Variants in CCL17 observed in about 807,000 individuals in gnomAD.
The protein encoded by CCL17 is C-C motif chemokine 17.
CCL17 carries 8 observed loss-of-function variants against 7.4 expected under a neutral mutation model. The observed-to-expected ratio is 1.09, with a 90% CI of 0.64 to 1.96. CCL17 has a LOEUF of 1.96. CCL17 is among the 30% of genes most tolerant of loss of function. The pLI, the probability that CCL17 is intolerant of heterozygous loss-of-function variation, is 0.00. For synonymous variants in CCL17, 40 were observed against 46.1 expected (o/e 0.87, Z 0.54); for missense variants, 102 against 113.0 (o/e 0.90, Z 0.44).
upstream of CCL17, among the ~76,000 whole-genome samples, chr16:57,403,166 TATTATC>T (rs1231927751): frequency 4.5e-4 from 34 of 75,680 alleles, no homozygotes; most frequent in African/African-American, 1.4e-3. Context: ...TAATATATAT[TATTATC>T]TATAATATAT....
chr16:57,405,676 G>A (rs11076191), intron 1 of CCL17, among the ~76,000 whole-genome samples: 19,447 of 152,044 alleles, frequency 0.13, 1,631 homozygotes, highest in South Asian at 0.2. Flanking sequence ...TGGGCCGGAA[G>A]GAGGAGTGTC....
chr16:57,409,932 A>T (rs1902757269), intron 1 of CCL17, among the ~76,000 whole-genome samples: 2 of 152,150 alleles, frequency 1.3e-5, no homozygotes, highest in South Asian at 4.1e-4. Context: ...GCTGTCAGCG[A>T]TGGAGATGAG....
chr16:57,408,561 G>A (rs1047318743), intron 1 of CCL17, among the ~76,000 whole-genome samples: 3 of 146,930 alleles, frequency 2.0e-5, no homozygotes, highest in African/African-American at 8.2e-5. Context: ...GGTGCACACT[G>A]TAACACCTGG....
At chr16:57,410,546 C>G (rs1247230831) in intron 1 of CCL17, among the ~76,000 whole-genome samples, 6 of 152,180 alleles carry the variant, frequency 3.9e-5, no homozygotes, top group African/African-American at 1.2e-4. Flanking sequence ...GCCACTTCCT[C>G]CAGGGAGCAT....
At chr16:57,404,087 G>A (rs561609990), upstream of CCL17, among the ~76,000 whole-genome samples, 1 of 152,302 alleles carries the variant, frequency 6.6e-6, no homozygotes, top group African/African-American at 2.4e-5. Flanking sequence ...GAGGCATAGG[G>A]AGGAGGCCAG....
At chr16:57,401,702 G>C (rs1231014634), upstream of CCL17, among the ~76,000 whole-genome samples, 2 of 152,102 alleles carry the variant, frequency 1.3e-5, no homozygotes, top group African/African-American at 2.4e-5. Flanking sequence ...GCTCAGTGAC[G>C]TGGTAATACA....
chr16:57,410,090 T>G (rs16956811), intron 1 of CCL17, among the ~76,000 whole-genome samples: 33,545 of 152,086 alleles, frequency 0.22, 7,369 homozygotes, highest in African/African-American at 0.57. Context: ...CAAATGCAAC[T>G]GAAGATGATG....
rs1902828847 is a variant in CCL17, at chr16:57,414,104, C to A, written c.70+102C>A. On this transcript the variant is annotated intron_variant, in intron 2 of 3. Coordinates refer to ENST00000219244, the MANE Select transcript of CCL17 (RefSeq NM_002987.3). ...TACACACGTTTGTGTATTATTTACA[C>A]CCCACCTACTCCCACAAAAGACGTG... 11 of 809,732 alleles carry A rather than the reference C, an allele frequency of 1.4e-5. No homozygotes were observed. In the South Asian group the frequency reaches 1.5e-4, roughly 11 times the overall value. The allele number at this position is 809,732 out of a possible 1,614,324, so 50.2% of individuals were successfully genotyped here.
the CCL17 span, among the ~76,000 whole-genome samples, chr16:57,397,184 G>A: frequency 6.6e-6 from 1 of 152,166 alleles, no homozygotes; most frequent in Non-Finnish European, 1.5e-5. Context: ...GCCTTACGAT[G>A]GGCCAAGGGA....
chr16:57,399,854 G>A (rs1200610270), upstream of CCL17, among the ~76,000 whole-genome samples: 2 of 152,150 alleles, frequency 1.3e-5, no homozygotes, highest in Non-Finnish European at 2.9e-5. Context: ...AGATGAGCTC[G>A]TGCTCATAGT....
chr16:57,402,957 A>G (rs527259352), upstream of CCL17, among the ~76,000 whole-genome samples: 1 of 147,302 alleles, frequency 6.8e-6, no homozygotes, highest in Admixed American at 7.1e-5. Flanking sequence ...TGGGAGACAG[A>G]TAGTAAACAG....
chr16:57,413,296 CTCGGAGGCAG>C (rs1251618783), intron 1 of CCL17, among the ~76,000 whole-genome samples: 2 of 152,212 alleles, frequency 1.3e-5, no homozygotes, highest in Non-Finnish European at 2.9e-5. Context: ...GCCTCAGCCT[CTCGGAGGCAG>C]ATAAAGCATG....
Position 57,404,821 on chromosome 16 carries a change from C to T in CCL17, c.-75C>T, listed in dbSNP as rs72792973. 6,627 of 154,414 alleles carry T rather than the reference C, an allele frequency of 0.043. 193 individuals carry two copies. Among genetic ancestry groups the T allele is most frequent in the Middle Eastern group, 0.081 (155 of 1,924 alleles). 9.6% of individuals were successfully genotyped at this position (154,414 alleles called of 1,614,324 possible). A position where few individuals can be genotyped will look rare whatever the true frequency, so the allele number is the denominator to read the frequency against. On this transcript the variant is annotated 5_prime_UTR_variant, in exon 1 of 4. Transcript: ENST00000219244. Reference sequence around the variant, plus strand: ...GTGTCACCGCCTGCTGATGGGAGAGCTGAATTCAAAACCAGGTGACCTGAC... The same window carrying T: ...GTGTCACCGCCTGCTGATGGGAGAGTTGAATTCAAAACCAGGTGACCTGAC...
chr16:57,399,259 C>A, the CCL17 span, among the ~76,000 whole-genome samples: 1 of 152,196 alleles, frequency 6.6e-6, no homozygotes, highest in African/African-American at 2.4e-5. Flanking sequence ...TTATACATTG[C>A]CACGACCACC....
At chr16:57,411,825 G>A (rs1181104970) in intron 1 of CCL17, among the ~76,000 whole-genome samples, 3 of 152,232 alleles carry the variant, frequency 2.0e-5, no homozygotes, top group African/African-American at 4.8e-5. Flanking sequence ...TGCCCAGCGC[G>A]GCCTCCTTTG....
chr16:57,410,364 G>A (rs1902764275), intron 1 of CCL17, among the ~76,000 whole-genome samples: 1 of 152,158 alleles, frequency 6.6e-6, no homozygotes, highest in Admixed American at 6.5e-5. Context: ...TTAGTCAGAG[G>A]CGTTGAGACA....
At position 57,415,727 on chromosome 16, in the gene CCL17, C is replaced by G; in HGVS notation, c.189-38C>G. On this transcript the variant is annotated intron_variant, in intron 3 of 3. Transcript: ENST00000219244. The surrounding 1 kb of genome is among the most constrained non-coding windows in gnomAD (Gnocchi z 4.5). ...TCCCAGGGACTCTGGGGGCCCTTCC[C>G]CCCCTGCCACTCCTGGTAACGTCCT... 1 of 1,385,634 alleles carries G rather than the reference C, an allele frequency of 7.2e-7. No individual in the cohort carries two copies. The allele number at this position is 1,385,634 out of a possible 1,614,324, so 85.8% of individuals were successfully genotyped here.
upstream of CCL17, among the ~76,000 whole-genome samples, chr16:57,400,124 C>T (rs189265029): frequency 4.6e-5 from 7 of 152,202 alleles, no homozygotes; most frequent in Non-Finnish European, 7.4e-5. Context: ...CTTTGGGAGG[C>T]GGAGGTGGGC....
upstream of CCL17, among the ~76,000 whole-genome samples, chr16:57,400,763 G>C (rs911426941): frequency 2.0e-5 from 3 of 152,120 alleles, no homozygotes; most frequent in Non-Finnish European, 4.4e-5. Context: ...GCGGTCAGGA[G>C]TTCCAGACCA....
Sources: allele counts gnomAD v4.1 joint callset (sites outside exome capture counted in the v4.1 genomes callset), GRCh38; gene constraint gnomAD v4.1.1; non-coding constraint Gnocchi (gnomAD v3.1); transcripts MANE v1.5; gene names NCBI Gene and HGNC (gene_info 2026-07-23, HGNC 2026-07-21).